Variants in PRKG1 observed in about 807,000 individuals in gnomAD.
The protein encoded by PRKG1 is cGMP-dependent protein kinase 1.
PRKG1 carries 35 observed loss-of-function variants against 88.1 expected under a neutral mutation model. The ratio of observed to expected loss-of-function variants is 0.40; its 90% confidence interval spans 0.30 to 0.53. The LOEUF (loss-of-function observed/expected upper bound fraction) is 0.53, where lower values mean the gene tolerates loss of function less well. PRKG1 is among the 20% of genes least tolerant of loss of function. The probability of loss-of-function intolerance (pLI) is 0.59; values close to 1 mark genes in which losing one functional copy is unlikely to be tolerated. For synonymous variants in PRKG1, 303 were observed against 292.5 expected (o/e 1.04, Z -0.37); for missense variants, 540 against 839.8 (o/e 0.64, Z 4.41).
chr10:52,032,057 T>C (rs1845488308), intron 5 of PRKG1, among the ~76,000 whole-genome samples: 1 of 152,174 alleles, frequency 6.6e-6, no homozygotes, highest in Admixed American at 6.6e-5. Flanking sequence ...CCATGGAGAA[T>C]GTTGAGCAAT....
intron 2 of PRKG1, among the ~76,000 whole-genome samples, chr10:51,222,719 T>C (rs1838580781): frequency 6.6e-6 from 1 of 152,144 alleles, no homozygotes; most frequent in African/African-American, 2.4e-5. Flanking sequence ...TTTCTTTATA[T>C]TAGGGTGGCC....
intron 4 of PRKG1, among the ~76,000 whole-genome samples, chr10:51,894,170 G>A (rs1316964186): frequency 1.3e-5 from 2 of 152,164 alleles, no homozygotes; most frequent in African/African-American, 2.4e-5. Context: ...GTGTGTTTTA[G>A]TGATTATTTT....
chr10:52,068,261 A>G (rs1240009275), intron 7 of PRKG1, among the ~76,000 whole-genome samples: 1 of 151,958 alleles, frequency 6.6e-6, no homozygotes, highest in Non-Finnish European at 1.5e-5. Context: ...TATGGAATAC[A>G]TATAAACATC....
rs553487829 is a variant in PRKG1 at position 51,889,358 on chromosome 10, C to T, written c.699-18149C>T. Among the ~76,000 whole-genome samples, 5 of 152,024 alleles carry T rather than the reference C, an allele frequency of 3.3e-5. No individual in the cohort carries two copies. The South Asian group carries it at 1.0e-3, about 32-fold the overall frequency. ...GTTTGCTGAGAATGATGATTTCCGG[C>T]TTCATCCATGTCCCTACAAAGGACA... On this transcript the variant is annotated intron_variant, in intron 4 of 17. Transcript: ENST00000373980.
At chr10:51,865,870 TA>T (rs1841001327) in intron 4 of PRKG1, among the ~76,000 whole-genome samples, 1 of 152,098 alleles carries the variant, frequency 6.6e-6, no homozygotes, top group Admixed American at 6.6e-5. Flanking sequence ...TAATAAGCAT[TA>T]TTTTTTAAAT....
intron 5 of PRKG1, among the ~76,000 whole-genome samples, chr10:52,008,973 A>G (rs1391858664): frequency 6.6e-6 from 1 of 152,144 alleles, no homozygotes. Flanking sequence ...AATAAAATTC[A>G]TCATCCCCTC....
intron 2 of PRKG1, among the ~76,000 whole-genome samples, chr10:51,294,334 A>G (rs1008919909): frequency 6.6e-6 from 1 of 152,096 alleles, no homozygotes; most frequent in African/African-American, 2.4e-5. Flanking sequence ...TTCTTCTAGT[A>G]GTTTTATGGT....
At chr10:51,589,262 T>C (rs1394832112) in intron 3 of PRKG1, among the ~76,000 whole-genome samples, 1 of 152,160 alleles carries the variant, frequency 6.6e-6, no homozygotes, top group Non-Finnish European at 1.5e-5. Context: ...CTGCCATGTG[T>C]GTAAGGTTTC....
chr10:51,293,371 CA>C (rs1329089992), intron 2 of PRKG1, among the ~76,000 whole-genome samples: 1 of 152,102 alleles, frequency 6.6e-6, no homozygotes, highest in African/African-American at 2.4e-5. Flanking sequence ...AATAACACTT[CA>C]TTTCCCCCTG....
rs557827381 is a variant in PRKG1, at chr10:51,816,644, T to C, written c.698+11954T>C. On this transcript the variant is annotated intron_variant, in intron 4 of 17. Transcript: ENST00000373980. ...AAACAGAGGAGAGAGGATTTTTTCT[T>C]TGAGTTCTAATAATGATGTAATTTT... Among the ~76,000 whole-genome samples, 44 of 152,108 alleles carry C rather than the reference T, an allele frequency of 2.9e-4. No homozygotes were observed. In the South Asian group the frequency reaches 8.9e-3, roughly 31 times the overall value.
At chr10:52,172,045 A>G (rs998196219) in intron 9 of PRKG1, among the ~76,000 whole-genome samples, 1 of 147,884 alleles carries the variant, frequency 6.8e-6, no homozygotes, top group African/African-American at 2.5e-5. Flanking sequence ...CTCATGATCC[A>G]CCCGCCTCGG....
chr10:51,971,631 AT>A (rs1843716191), intron 5 of PRKG1, among the ~76,000 whole-genome samples: 1 of 152,110 alleles, frequency 6.6e-6, no homozygotes. Context: ...GTTGATAAAA[AT>A]GTTGATATAT....
chr10:51,456,125 A>G (rs1337473861), intron 2 of PRKG1, among the ~76,000 whole-genome samples: 2 of 152,218 alleles, frequency 1.3e-5, no homozygotes, highest in Non-Finnish European at 2.9e-5. Flanking sequence ...CGCATCTCAC[A>G]TGGTGGTGGA....
chr10:51,055,475 TAGAC>T (rs1045089269), intron 1 of PRKG1, among the ~76,000 whole-genome samples: 10 of 152,222 alleles, frequency 6.6e-5, no homozygotes, highest in African/African-American at 2.4e-4. Flanking sequence ...CAGGGTCAAA[TAGAC>T]AGGTCAATAT....
chr10:52,293,421 C>T (rs1028391097), intron 17 of PRKG1, among the ~76,000 whole-genome samples: 3 of 151,890 alleles, frequency 2.0e-5, no homozygotes, highest in Non-Finnish European at 4.4e-5. Flanking sequence ...CTTTAAAGTT[C>T]ATATGGAACC....
chr10:52,254,097 A>G lies in PRKG1; in HGVS notation c.1173+2431A>G, dbSNP rs113389331. Among the ~76,000 whole-genome samples the G allele has an allele frequency of 1.0e-3, 152 of 152,164 alleles. 2 individuals carry two copies. Among genetic ancestry groups the G allele is most frequent in the African/African-American group, 3.4e-3 (143 of 41,560 alleles). On this transcript the variant is annotated intron_variant, in intron 10 of 17. Transcript: ENST00000373980. ...ATTGTTCATCTTTTACATACATTCA[A>G]TGATGCTGGAATTGGGAGTTTGGCC...
At chr10:52,044,665 A>T (rs1280503759) in intron 5 of PRKG1, among the ~76,000 whole-genome samples, 1 of 152,156 alleles carries the variant, frequency 6.6e-6, no homozygotes, top group African/African-American at 2.4e-5. Context: ...ACTTTTCCAG[A>T]TTATACTTAT....
At chr10:51,045,212 C>T (rs1181484240) in intron 1 of PRKG1, among the ~76,000 whole-genome samples, 1 of 152,122 alleles carries the variant, frequency 6.6e-6, no homozygotes, top group Non-Finnish European at 1.5e-5. Flanking sequence ...TGAATTTGAA[C>T]ACTATTAGAC....
rs1423594320 is a variant in PRKG1 at position 51,885,951 on chromosome 10, T to G, written c.699-21556T>G. On this transcript the variant is annotated intron_variant, in intron 4 of 17. Transcript: ENST00000373980. ...AATACATCTTTTTTCTTCTGAGTTC[T>G]CAAAACCGCATGGTGCCATAAAAGC... 2.6e-5 allele frequency among the ~76,000 whole-genome samples: 4 copies of G among 152,226 alleles called. 1 individual carries two copies. In the East Asian group the frequency reaches 7.7e-4, roughly 29 times the overall value.
Sources: gnomAD v4.1 joint callset for allele counts (sites outside exome capture counted in the v4.1 genomes callset) on GRCh38, gnomAD v4.1.1 for gene constraint, MANE v1.5 for transcripts, NCBI Gene and HGNC (gene_info 2026-07-23, HGNC 2026-07-21) for gene names.